The following SYCE1 variants were observed in gnomAD, a reference collection of about 807,000 sequenced individuals.
SYCE1 encodes the protein cancer/testis antigen 76.
A neutral mutation model predicts 55.1 loss-of-function variants in SYCE1; 37 were observed. That is an observed-to-expected ratio of 0.67 (90% CI 0.52 to 0.88). The LOEUF is 0.88. SYCE1 is among the 40% of genes least tolerant of loss of function. SYCE1 has a pLI of 0.00. For missense variants in SYCE1, 399 were observed against 416.4 expected (o/e 0.96, Z 0.36); for synonymous variants, 163 against 159.4 (o/e 1.02, Z -0.17).
chr10:133,556,224 T>C, intron 8 of SYCE1, 177 bp from the exon 9 acceptor site: 1 of 652,400 alleles, frequency 1.5e-6, no homozygotes, highest in South Asian at 1.9e-5. Context: ...ATTCCCTCCC[T>C]GTGCACTTCT....
At chr10:133,555,551 GTCA>G (rs1351383635) in intron 11 of SYCE1, 43 bp downstream of exon 11, 1 of 1,602,252 alleles carries the variant, frequency 6.2e-7, no homozygotes, top group Non-Finnish European at 8.5e-7. Context: ...TACAACATCA[GTCA>G]TCTTCCTGGT....
At chr10:133,564,826 C>T (rs1253666422) in intron 1 of SYCE1, among the ~76,000 whole-genome samples, 1 of 152,210 alleles carries the variant, frequency 6.6e-6, no homozygotes, top group Non-Finnish European at 1.5e-5. Context: ...CACACAGTGT[C>T]CTGAAGTGGA....
At chr10:133,554,230 C>A, downstream of SYCE1, 1 of 1,527,400 alleles carries the variant, frequency 6.5e-7, no homozygotes, top group Admixed American at 1.7e-5. Flanking sequence ...TGAAGAATTT[C>A]TGCACTTTGC....
chr10:133,566,250 C>A (rs73389014), upstream of SYCE1, among the ~76,000 whole-genome samples: 4,006 of 152,218 alleles, frequency 0.026, 168 homozygotes, highest in African/African-American at 0.092. Flanking sequence ...CAGGGGAGGC[C>A]GCGATGCATC....
At position 133,555,453 on chromosome 10, in the gene SYCE1, G is replaced by A. The variant is rs1851640115; in HGVS notation, c.831-15C>T. 5 of 1,613,676 alleles carry A rather than the reference G, an allele frequency of 3.1e-6. No individual in the cohort carries two copies. Among genetic ancestry groups the A allele is most frequent in the Non-Finnish European group, 3.4e-6 (4 of 1,179,938 alleles). On this transcript the variant is annotated splice_polypyrimidine_tract_variant and intron_variant, in intron 11 of 12. Transcript: ENST00000343131. Reference sequence around the variant, plus strand: ...CTTCCTTCAGCCTGGACAGGAAGAGGTAGGATGGGGGAAGGAAGAGGAGGA... The same window carrying A: ...CTTCCTTCAGCCTGGACAGGAAGAGATAGGATGGGGGAAGGAAGAGGAGGA...
intron 1 of SYCE1, chr10:133,560,647 A>G (rs1851796820): frequency 6.6e-6 from 1 of 152,274 alleles, no homozygotes; most frequent in Non-Finnish European, 1.5e-5. Flanking sequence ...ATTTCCCCAT[A>G]AAATATTTCA....
chr10:133,559,868 T>G, intron 2 of SYCE1: 33 of 511,238 alleles, frequency 6.5e-5, no homozygotes, highest in South Asian at 1.8e-4. Context: ...CAGCGAGAGG[T>G]TTGGGACAGG....
chr10:133,559,013 C>G lies in SYCE1; in HGVS notation c.197-62G>C, dbSNP rs570406600. On this transcript the variant is annotated intron_variant, in intron 3 of 12. Coordinates refer to ENST00000343131, the MANE Select transcript of SYCE1 (RefSeq NM_001143764.3). The stretch of plus-strand genomic sequence containing the variant: ...GCCTCTATTCTCTTCCCAACAGTGA[C>G]ATTTCTCATTTGCCTTCAGGTAAAT... The G allele has an allele frequency of 8.6e-6, 13 of 1,509,518 alleles. No homozygotes were observed. In the East Asian group the frequency reaches 2.9e-4, roughly 34 times the overall value. The allele number at this position is 1,509,518 out of a possible 1,614,324, so 93.5% of individuals were successfully genotyped here.
intron 8 of SYCE1, 122 bp downstream of exon 8, chr10:133,556,629 ATGTCGATC>A (rs2133616229): frequency 1.1e-5 from 10 of 902,562 alleles, no homozygotes; most frequent in South Asian, 1.1e-4. Flanking sequence ...GATTCAGGCA[ATGTCGATC>A]TTAGCACCAC....
At position 133,559,218 on chromosome 10, in the gene SYCE1, A is replaced by G. The variant is rs45439092; in HGVS notation, c.196+83T>C. The G allele has an allele frequency of 6.4e-3, 9,341 of 1,456,036 alleles. 63 individuals carry two copies. Among genetic ancestry groups the G allele is most frequent in the Non-Finnish European group, 8.2e-3 (8,514 of 1,037,242 alleles). 90.2% of individuals were successfully genotyped at this position (1,456,036 alleles called of 1,614,324 possible). Reference sequence around the variant, plus strand: ...GTGAATAACCAGTAACTTTGGAACAAGGGACCCTGCATTCTCACTTGGCAC... The same window carrying G: ...GTGAATAACCAGTAACTTTGGAACAGGGGACCCTGCATTCTCACTTGGCAC... On this transcript the variant is annotated intron_variant, in intron 3 of 12. Transcript: ENST00000343131.
chr10:133,556,963 G>A, intron 7 of SYCE1, 104 bp downstream of exon 7: 2 of 1,478,986 alleles, frequency 1.4e-6, no homozygotes, highest in Middle Eastern at 1.7e-4. Flanking sequence ...TCACCACCTT[G>A]AATCTCCATG....
At chr10:133,560,069 T>C (rs1564857559) in intron 2 of SYCE1, 22 bp downstream of exon 2, 1 of 1,612,604 alleles carries the variant, frequency 6.2e-7, no homozygotes, top group Non-Finnish European at 8.5e-7. Context: ...AGGCTGTGCC[T>C]CACACAAAGG....
chr10:133,555,605 C>A lies in SYCE1; in HGVS notation c.822G>T (p.Lys274Asn). 3.7e-6 allele frequency: 6 copies of A among 1,605,344 alleles called. No individual in the cohort carries two copies. Among genetic ancestry groups the A allele is most frequent in the Non-Finnish European group, 5.1e-6 (6 of 1,179,152 alleles). Residue 274 changes from lysine to asparagine, a missense_variant, in exon 11 of 13, where the codon AAG becomes AAT. By Grantham distance (94) the Lys-to-Asn change is moderately conservative. Transcript: ENST00000343131. ...LQQKCQQQQQ[K>N]RQRLKEELEK... ...AGGGCCTCCACACGCACCTCTGCCG[C>A]TTCTGCTGCTGTTGTTGGCACTTCT...
intron 1 of SYCE1, among the ~76,000 whole-genome samples, chr10:133,563,136 C>G (rs186057369): frequency 0.013 from 1,920 of 152,266 alleles, 40 homozygotes; most frequent in African/African-American, 0.045. Flanking sequence ...TTATCTTTGT[C>G]AACCAGATAT....
intron 11 of SYCE1, 73 bp downstream of exon 11, chr10:133,555,524 A>C (rs1041863978): frequency 2.5e-6 from 4 of 1,608,074 alleles, no homozygotes; most frequent in Non-Finnish European, 3.4e-6. Context: ...AGAGAGACAG[A>C]AGGTGGAGAG....
At chr10:133,554,428 T>C (rs765837922), downstream of SYCE1, 108 of 1,055,126 alleles carry the variant, frequency 1.0e-4, no homozygotes, top group Non-Finnish European at 1.5e-4. Context: ...GGTCAACGCA[T>C]TTCAGTGAAT....
intron 11 of SYCE1, 79 bp from the exon 12 acceptor site, chr10:133,555,517 GA>G: frequency 1.9e-6 from 3 of 1,609,072 alleles, no homozygotes; most frequent in Non-Finnish European, 2.5e-6. Flanking sequence ...AAGAGTCAGA[GA>G]GACAGAAGGT....
At chr10:133,564,935 G>A (rs1178266054) in intron 1 of SYCE1, among the ~76,000 whole-genome samples, 1 of 152,216 alleles carries the variant, frequency 6.6e-6, no homozygotes, top group Non-Finnish European at 1.5e-5. Flanking sequence ...CCAGGGTGAG[G>A]TAGGAGCCAC....
chr10:133,555,373 T>G lies in SYCE1; in HGVS notation c.896A>C (p.Glu299Ala), dbSNP rs780818311. The G allele has an allele frequency of 6.2e-7, 1 of 1,614,058 alleles. No homozygotes were observed. The highest frequency in any genetic ancestry group is 8.5e-7 in the Non-Finnish European group (1 of 1,179,980). ...TACCACATCTCCTGGGCCAGCCTCT[T>G]CCTCTTGTGTGCTCTGGGCTTGGGC... ...VPAQAQSTQE[E>A]EAGPGDVASP... The change falls in exon 12 of 13, where the codon GAA becomes GCA. Residue 299 changes from glutamate (E) to alanine (A), a missense_variant. Coordinates refer to ENST00000343131, the MANE Select transcript of SYCE1 (RefSeq NM_001143764.3).
Sources: allele counts gnomAD v4.1 joint callset (sites outside exome capture counted in the v4.1 genomes callset), GRCh38; gene constraint gnomAD v4.1.1; transcripts MANE v1.5; gene names NCBI Gene and HGNC (gene_info 2026-07-23, HGNC 2026-07-21).